The following CD8B variants were observed in gnomAD, a reference collection of about 807,000 sequenced individuals.
CD8B encodes the protein T-cell surface glycoprotein CD8 beta chain.
A neutral mutation model predicts 24.2 loss-of-function variants in CD8B; 6 were observed. The ratio of observed to expected loss-of-function variants is 0.25; its 90% CI spans 0.14 to 0.49. The LOEUF (loss-of-function observed/expected upper bound fraction) is 0.49. CD8B is among the 20% of genes least tolerant of loss of function. The probability of loss-of-function intolerance (pLI) is 0.98; values close to 1 mark genes in which losing one functional copy is unlikely to be tolerated. For missense variants in CD8B, 196 were observed against 271.3 expected (o/e 0.72, Z 1.95); for synonymous variants, 84 against 108.3 (o/e 0.78, Z 1.39).
Position 86,858,091 on chromosome 2 carries a change from C to T in CD8B, c.369G>A (p.Glu123=), listed in dbSNP as rs1213819919. The T allele has an allele frequency of 2.5e-6, 4 of 1,614,012 alleles. No individual in the cohort carries two copies. Among genetic ancestry groups the T allele is most frequent in the Non-Finnish European group, 8.5e-7 (1 of 1,179,866 alleles). Residue 123 remains glutamate (E), a synonymous_variant, in exon 2 of 6, where the codon GAG becomes GAA. Coordinates refer to ENST00000390655, the MANE Select transcript of CD8B (RefSeq NM_004931.5). The stretch of plus-strand genomic sequence containing the variant: ...GCTGAGTTCCCTTCCCGAAGGTCAG[C>T]TCGGGGCTCCCGACGATCATGCAGA... The part of the protein sequence containing the change: ...IYFCMIVGSP[E]LTFGKGTQLS...
chr2:86,844,599 T>C, intron 5 of CD8B: 2 of 1,401,202 alleles, frequency 1.4e-6, no homozygotes, highest in Non-Finnish European at 1.9e-6. Context: ...TTGTTTAGGT[T>C]ATCTCTTAGG....
intron 1 of CD8B, among the ~76,000 whole-genome samples, chr2:86,859,046 T>C (rs556025705): frequency 1.3e-5 from 2 of 152,208 alleles, no homozygotes; most frequent in East Asian, 3.9e-4. Flanking sequence ...CCAAAGCTGG[T>C]TGCCTTTCAC....
At chr2:86,844,843 G>A in intron 5 of CD8B, 79 bp downstream of exon 5, 2 of 1,551,374 alleles carry the variant, frequency 1.3e-6, no homozygotes, top group Non-Finnish European at 1.7e-6. Flanking sequence ...GTCTGACTTT[G>A]GCTCCTCGCT....
chr2:86,856,688 G>A (rs896568647), intron 2 of CD8B, among the ~76,000 whole-genome samples: 24 of 151,870 alleles, frequency 1.6e-4, no homozygotes, highest in African/African-American at 5.8e-4. Context: ...CTGGAGGTGG[G>A]GCTAGAGCCA....
chr2:86,839,849 G>A lies in CD8B; in HGVS notation c.*2458C>T, dbSNP rs188794916. 1.4e-4 allele frequency among the ~76,000 whole-genome samples: 22 copies of A among 152,338 alleles called. No individual in the cohort carries two copies. The highest frequency in any genetic ancestry group is 5.3e-4 in the African/African-American group (22 of 41,576). ...GGAGGGCAGACCATGTGCACTGCAG[G>A]CCTTAATCTCTTATTTGTTTGTGAT... On this transcript the variant is annotated 3_prime_UTR_variant, in exon 6 of 6. Coordinates refer to ENST00000390655, the MANE Select transcript of CD8B (RefSeq NM_004931.5).
At chr2:86,829,340 C>T (rs555225354) in intron 5 of CD8B, among the ~76,000 whole-genome samples, 1 of 152,072 alleles carries the variant, frequency 6.6e-6, no homozygotes, top group South Asian at 2.1e-4. Flanking sequence ...CTCCTGACCT[C>T]GTGATCTGCC....
At chr2:86,822,063 A>T (rs1006378368) in intron 5 of CD8B, among the ~76,000 whole-genome samples, 1 of 152,184 alleles carries the variant, frequency 6.6e-6, no homozygotes, top group Non-Finnish European at 1.5e-5. Context: ...GACTTGCCCC[A>T]GTCACAGGGC....
intron 5 of CD8B, among the ~76,000 whole-genome samples, chr2:86,829,922 T>A (rs1048499823): frequency 6.6e-6 from 1 of 152,264 alleles, no homozygotes; most frequent in Non-Finnish European, 1.5e-5. Flanking sequence ...TAACGTTTGA[T>A]AATCTGCTTT....
In CD8B at chr2:86,840,951, A is replaced by G. The variant is rs919089377; in HGVS notation, c.*1356T>C. On this transcript the variant is annotated 3_prime_UTR_variant, in exon 6 of 6. Coordinates refer to ENST00000390655, the MANE Select transcript of CD8B (RefSeq NM_004931.5). ...CTGTGGTTGTCACAGGTAACTGAAC[A>G]TAACCTGATTTGTCAATGTCCTTCT... 2.6e-5 allele frequency among the ~76,000 whole-genome samples: 4 copies of G among 152,138 alleles called. No homozygotes were observed. The highest frequency in any genetic ancestry group is 9.7e-5 in the African/African-American group (4 of 41,426).
chr2:86,823,438 C>T (rs1674556895), intron 5 of CD8B, among the ~76,000 whole-genome samples: 1 of 151,932 alleles, frequency 6.6e-6, no homozygotes, highest in African/African-American at 2.4e-5. Context: ...CACCACGGTG[C>T]CCGGCTAATT....
chr2:86,836,203 G>T (rs1195695482), downstream of CD8B, among the ~76,000 whole-genome samples: 1 of 152,098 alleles, frequency 6.6e-6, no homozygotes, highest in East Asian at 1.9e-4. Flanking sequence ...GCTTGTGGGG[G>T]CCTAAGGACT....
intron 1 of CD8B, among the ~76,000 whole-genome samples, chr2:86,859,174 C>T (rs577741292): frequency 2.4e-4 from 37 of 152,028 alleles, no homozygotes; most frequent in South Asian, 1.3e-3. Context: ...CTGGTCTGTC[C>T]GTTGCTGGAC....
chr2:86,822,487 C>T (rs1211216934), intron 5 of CD8B: 6 of 631,388 alleles, frequency 9.5e-6, no homozygotes, highest in Non-Finnish European at 1.4e-5. Flanking sequence ...TAATTTTAGG[C>T]ATTAACATGA....
intron 5 of CD8B, among the ~76,000 whole-genome samples, chr2:86,842,733 T>C (rs1675493801): frequency 6.6e-6 from 1 of 152,204 alleles, no homozygotes; most frequent in South Asian, 2.1e-4. Context: ...CATGCCTGGA[T>C]CATGAGAGCA....
chr2:86,819,971 T>A (rs1025509962), intron 5 of CD8B, among the ~76,000 whole-genome samples: 3 of 152,192 alleles, frequency 2.0e-5, no homozygotes, highest in Non-Finnish European at 4.4e-5. Context: ...AGTTCAAGAC[T>A]TCAGTGGAGG....
chr2:86,817,638 A>G lies in CD8B; in HGVS notation c.621-1920T>C, dbSNP rs1356324641. Among the ~76,000 whole-genome samples, 4 of 152,332 alleles carry G rather than the reference A, an allele frequency of 2.6e-5. No homozygotes were observed. The East Asian group carries it at 5.8e-4, about 22-fold the overall frequency. ...ATAATAAGAGAATCACAAGTATAAAAAAAGCCTGGAGGCAGAACCCACAAA... is the reference window on the plus strand; with the variant it reads ...ATAATAAGAGAATCACAAGTATAAAGAAAGCCTGGAGGCAGAACCCACAAA... On this transcript the variant is annotated intron_variant, in intron 5 of 5. Transcript: ENST00000331469.
chr2:86,850,069 G>T (rs1675901961), intron 3 of CD8B, among the ~76,000 whole-genome samples: 1 of 152,128 alleles, frequency 6.6e-6, no homozygotes, highest in African/African-American at 2.4e-5. Context: ...GGGCGGCACG[G>T]CTCCTTCCTG....
In CD8B at chr2:86,822,250, TG is replaced by T. The variant is rs1450993241; in HGVS notation, c.621-6533del. 1.8e-5 allele frequency: 15 copies of T among 816,424 alleles called. No homozygotes were observed. The African/African-American group carries it at 2.3e-4, about 12-fold the overall frequency. The allele number at this position is 816,424 out of a possible 1,614,324, so 50.6% of individuals were successfully genotyped here. Reference sequence around the variant, plus strand: ...ACCCCAGCAGGAAAAAAAAAAAAGATGATATCTGTTTCAGGTAAGAGTCATG... The same window carrying T: ...ACCCCAGCAGGAAAAAAAAAAAAGATATATCTGTTTCAGGTAAGAGTCATG... On this transcript the variant is annotated intron_variant, in intron 5 of 5. Transcript: ENST00000331469.
At chr2:86,852,224 C>T (rs1205068984) in intron 3 of CD8B, among the ~76,000 whole-genome samples, 1 of 152,176 alleles carries the variant, frequency 6.6e-6, no homozygotes, top group Non-Finnish European at 1.5e-5. Flanking sequence ...ATCTGGGCCT[C>T]CCAAAGTGCT....
Sources: gnomAD v4.1 joint callset for allele counts (sites outside exome capture counted in the v4.1 genomes callset) on GRCh38, gnomAD v4.1.1 for gene constraint, MANE v1.5 for transcripts, NCBI Gene and HGNC (gene_info 2026-07-23, HGNC 2026-07-21) for gene names.